KCNK10: variants seen among roughly 807,000 people sequenced by gnomAD.
The protein encoded by KCNK10 is potassium channel subfamily K member 10.
In KCNK10, 25 loss-of-function variants were observed where a neutral mutation model predicts 47.7. The observed-to-expected ratio is 0.52, with a 90% CI of 0.38 to 0.73. The LOEUF is 0.73. Among genes scored for constraint, KCNK10 ranks in the 30% least tolerant of loss-of-function variants. The pLI is 0.00. For missense variants in KCNK10, 563 were observed against 714.5 expected (o/e 0.79, Z 2.42); for synonymous variants, 303 against 285.6 (o/e 1.06, Z -0.61).
intron 1 of KCNK10, among the ~76,000 whole-genome samples, chr14:88,302,406 A>C (rs112272573): frequency 6.6e-6 from 1 of 152,112 alleles, no homozygotes; most frequent in African/African-American, 2.4e-5. Flanking sequence ...GTGGCCAGAA[A>C]AGTTAAAAGA....
At chr14:88,281,894 C>G (rs991149688) in intron 1 of KCNK10, among the ~76,000 whole-genome samples, 2 of 151,546 alleles carry the variant, frequency 1.3e-5, no homozygotes, top group Non-Finnish European at 2.9e-5. Flanking sequence ...AGTACCCCCA[C>G]TAATACATAG....
rs140496449 is a variant in KCNK10, at chr14:88,243,877, T to C, written c.403-3057A>G. On this transcript the variant is annotated intron_variant, in intron 2 of 6. Transcript: ENST00000319231. The stretch of plus-strand genomic sequence containing the variant: ...ACTCCATCTAGTATCCAATTTCAGC[T>C]GGGTTCTATCTGTGACGTCAATTCC... Among the ~76,000 whole-genome samples, 664 of 151,256 alleles carry C rather than the reference T, an allele frequency of 4.4e-3. 7 individuals carry two copies. Among genetic ancestry groups the C allele is most frequent in the African/African-American group, 0.015 (637 of 41,112 alleles).
chr14:88,233,094 C>T (rs972186531), intron 3 of KCNK10, among the ~76,000 whole-genome samples: 3 of 152,194 alleles, frequency 2.0e-5, no homozygotes, highest in African/African-American at 7.2e-5. Flanking sequence ...GGGATGTTCT[C>T]ACTTGCAGGT....
At chr14:88,286,121 G>T (rs4904442) in intron 1 of KCNK10, among the ~76,000 whole-genome samples, 49,388 of 151,606 alleles carry the variant, frequency 0.33, 8,247 homozygotes, top group East Asian at 0.43. Context: ...TCAGCCAAGA[G>T]CCAGAATCAA....
At chr14:88,307,925 A>G (rs939642857) in intron 1 of KCNK10, among the ~76,000 whole-genome samples, 1 of 152,112 alleles carries the variant, frequency 6.6e-6, no homozygotes, top group African/African-American at 2.4e-5. Context: ...GTCTCATTTA[A>G]GAGGTCTCAT....
intron 4 of KCNK10, among the ~76,000 whole-genome samples, chr14:88,198,892 C>CTTATT (rs147609734): frequency 0.35 from 46,719 of 135,046 alleles, 8,467 homozygotes; most frequent in Admixed American, 0.4. Flanking sequence ...TCTCCTTTGT[C>CTTATT]TTATTTTATT....
chr14:88,205,525 T>G (rs1283854390), intron 4 of KCNK10, among the ~76,000 whole-genome samples: 1 of 143,894 alleles, frequency 6.9e-6, no homozygotes, highest in African/African-American at 2.6e-5. Flanking sequence ...CAGTGCATTT[T>G]TCTTTTCTTT....
rs116905434 is a variant in KCNK10, at chr14:88,279,096, C to T, written c.53-15545G>A. Among the ~76,000 whole-genome samples, 859 of 152,236 alleles carry T rather than the reference C, an allele frequency of 5.6e-3. 24 individuals are homozygous for T. Among genetic ancestry groups the T allele is most frequent in the Admixed American group, 0.045 (686 of 15,286 alleles). On this transcript the variant is annotated intron_variant, in intron 1 of 6. Transcript: ENST00000319231. ...GTTCTTTAAGTTGTACCACAGGTAC[C>T]AGGGTAGTTCATTTCTTTCCATTCA... is the stretch of plus-strand genomic sequence containing the variant.
At chr14:88,223,496 G>A (rs1217048805) in intron 4 of KCNK10, among the ~76,000 whole-genome samples, 1 of 152,082 alleles carries the variant, frequency 6.6e-6, no homozygotes, top group African/African-American at 2.4e-5. Flanking sequence ...TCAGAGGAAT[G>A]AGAGGTCCCT....
At chr14:88,277,800 C>A (rs1887558353) in intron 1 of KCNK10, among the ~76,000 whole-genome samples, 1 of 152,144 alleles carries the variant, frequency 6.6e-6, no homozygotes, top group Admixed American at 6.5e-5. Context: ...ACCAGAGAGC[C>A]ACTGAGCATA....
At chr14:88,263,062 A>T in intron 2 of KCNK10, 140 bp downstream of exon 2, 1 of 657,764 alleles carries the variant, frequency 1.5e-6, no homozygotes, top group Non-Finnish European at 2.6e-6. Flanking sequence ...GTCTCAGCTC[A>T]CATGTCACCT....
intron 4 of KCNK10, among the ~76,000 whole-genome samples, chr14:88,223,977 T>A (rs1885905102): frequency 6.6e-6 from 1 of 151,982 alleles, no homozygotes; most frequent in South Asian, 2.1e-4. Flanking sequence ...GGCCAGGAGT[T>A]CCAGACTAGC....
chr14:88,235,837 T>C (rs370105595), intron 3 of KCNK10, among the ~76,000 whole-genome samples: 1 of 152,166 alleles, frequency 6.6e-6, no homozygotes, highest in Non-Finnish European at 1.5e-5. Flanking sequence ...AAGAAAACTT[T>C]AATGCAATAA....
intron 4 of KCNK10, among the ~76,000 whole-genome samples, chr14:88,211,924 A>G (rs1049834125): frequency 4.0e-5 from 6 of 151,658 alleles, no homozygotes; most frequent in Admixed American, 6.6e-5. Context: ...CTTTGTAACA[A>G]TGACTATGGC....
chr14:88,221,509 A>T (rs1466676665), intron 4 of KCNK10, among the ~76,000 whole-genome samples: 1 of 152,186 alleles, frequency 6.6e-6, no homozygotes, highest in Non-Finnish European at 1.5e-5. Context: ...AGATACCACT[A>T]CACACTTAGA....
intron 1 of KCNK10, among the ~76,000 whole-genome samples, chr14:88,267,110 T>A (rs1887279345): frequency 6.6e-6 from 1 of 152,168 alleles, no homozygotes; most frequent in African/African-American, 2.4e-5. Context: ...TTGCTTACTG[T>A]GAAATGTGAA....
At position 88,186,272 on chromosome 14, in the gene KCNK10, G is replaced by T; in HGVS notation, c.1012-117C>A. 8.1e-7 allele frequency: 1 copy of T among 1,238,854 alleles called. No homozygotes were observed. 76.7% of individuals were successfully genotyped at this position (1,238,854 alleles called of 1,614,324 possible). On this transcript the variant is annotated intron_variant, in intron 6 of 6. Coordinates refer to ENST00000319231, the MANE Select transcript of KCNK10 (RefSeq NM_138317.3). The surrounding 1 kb of genome is among the most constrained non-coding windows in gnomAD (Gnocchi z 5.5). ...GAGGCCAGGAGGTGACGGAGCACAT[G>T]CCCAGGGGGAGGTGCAAATGCTACC... is the stretch of plus-strand genomic sequence containing the variant.
At position 88,322,841 on chromosome 14, in the gene KCNK10, T is replaced by C; in HGVS notation, c.-43A>G. 6.2e-7 allele frequency: 1 copy of C among 1,613,880 alleles called. No individual in the cohort carries two copies. Among genetic ancestry groups the C allele is most frequent in the Non-Finnish European group, 8.5e-7 (1 of 1,179,898 alleles). On this transcript the variant is annotated 5_prime_UTR_variant, in exon 1 of 7. Transcript: ENST00000319231. The surrounding 1 kb of genome is among the most constrained non-coding windows in gnomAD (Gnocchi z 4.8). ...GGGGAAGAAATGAAAAGAACCCAAATAATAATAAAGTCCTCAAGCTTTACA... is the reference window on the plus strand; with the variant it reads ...GGGGAAGAAATGAAAAGAACCCAAACAATAATAAAGTCCTCAAGCTTTACA...
chr14:88,254,059 G>A (rs574129221), intron 2 of KCNK10, among the ~76,000 whole-genome samples: 1 of 152,220 alleles, frequency 6.6e-6, no homozygotes, highest in Admixed American at 6.5e-5. Flanking sequence ...CATGCTCCAG[G>A]CAGTTCCAGA....
Sources: allele counts gnomAD v4.1 joint callset (sites outside exome capture counted in the v4.1 genomes callset), GRCh38; gene constraint gnomAD v4.1.1; non-coding constraint Gnocchi (gnomAD v3.1); transcripts MANE v1.5; gene names NCBI Gene and HGNC (gene_info 2026-07-23, HGNC 2026-07-21).